Variants in ARAP3 observed in about 807,000 individuals in gnomAD.
ARAP3 encodes the protein arf-GAP with Rho-GAP domain, ANK repeat and PH domain-containing protein 3.
A neutral mutation model predicts 169.2 loss-of-function variants in ARAP3; 82 were observed. The ratio of observed to expected loss-of-function variants is 0.48; its 90% confidence interval spans 0.41 to 0.58. The LOEUF (loss-of-function observed/expected upper bound fraction) is 0.58, where lower values mean the gene tolerates loss of function less well. Among genes scored for constraint, ARAP3 ranks in the 20% least tolerant of loss-of-function variants. The pLI, the probability that ARAP3 is intolerant of heterozygous loss-of-function variation, is 0.00. For synonymous variants in ARAP3, 791 were observed against 800.3 expected (o/e 0.99, Z 0.20); for missense variants, 1,764 against 2,018.0 (o/e 0.87, Z 2.41).
rs145637020 is a variant in ARAP3 at position 141,680,364 on chromosome 5, G to A, written c.123C>T (p.His41=). 391 of 1,614,174 alleles carry A rather than the reference G, an allele frequency of 2.4e-4. No homozygotes were observed. In the African/African-American group the frequency reaches 3.9e-3, roughly 16 times the overall value. ...ATAGAARGLG[H]EELKQLGISA... The stretch of plus-strand genomic sequence containing the variant: ...TGATGCCCAACTGCTTCAACTCCTC[G>A]TGGCCCAGGCCCCGGGCTGCACCTG... Residue 41 remains histidine, a synonymous_variant, in exon 2 of 33, where the codon CAC becomes CAT. Coordinates refer to ENST00000239440, the MANE Select transcript of ARAP3 (RefSeq NM_022481.6).
intron 27 of ARAP3, 69 bp downstream of exon 27, chr5:141,656,435 G>C: frequency 6.3e-7 from 1 of 1,582,988 alleles, no homozygotes; most frequent in Non-Finnish European, 8.6e-7. Context: ...TGGAGTCAGA[G>C]GGTGGGTGCA....
In ARAP3 at chr5:141,671,561, CCCT is replaced by C; in HGVS notation, c.1854+6_1854+8del. ...CCACCCCAGATCACCCCTGCTCTGT[CCCT>C]CCTACCTGGAGAAGCTGGCTATGAT... On this transcript the variant is annotated splice_donor_region_variant and intron_variant, in intron 12 of 32. Transcript: ENST00000239440. This position sits in a 1 kb window ranked among gnomAD's most constrained non-coding sequence, Gnocchi z 4.9. 1.9e-6 allele frequency: 3 copies of C among 1,613,834 alleles called. No homozygotes were observed. Among genetic ancestry groups the C allele is most frequent in the Non-Finnish European group, 2.5e-6 (3 of 1,179,874 alleles).
intron 1 of ARAP3, 158 bp from the exon 2 acceptor site, chr5:141,680,661 C>G (rs2099912841): frequency 8.8e-7 from 1 of 1,137,358 alleles, no homozygotes; most frequent in Non-Finnish European, 1.2e-6. Flanking sequence ...CCCAGAACAA[C>G]AGCAATGGCT....
chr5:141,660,534 GC>G (rs1439981747), intron 21 of ARAP3, among the ~76,000 whole-genome samples: 1 of 151,828 alleles, frequency 6.6e-6, no homozygotes, highest in African/African-American at 2.4e-5. Flanking sequence ...AATGGGTGTG[GC>G]TTTACACTTT....
intron 32 of ARAP3, 108 bp downstream of exon 32, chr5:141,655,253 CA>C (rs2099909108): frequency 4.2e-6 from 5 of 1,193,364 alleles, no homozygotes; most frequent in East Asian, 2.6e-5. Context: ...CACACACACA[CA>C]CACACCCCCT....
intron 22 of ARAP3, 115 bp downstream of exon 22, chr5:141,659,664 G>T: frequency 6.9e-7 from 1 of 1,448,724 alleles, no homozygotes; most frequent in Non-Finnish European, 9.4e-7. Flanking sequence ...TCCTGGTATA[G>T]CTGGCCACCA....
In ARAP3 at chr5:141,672,500, G is replaced by A; in HGVS notation, c.1385+52C>T. The A allele has an allele frequency of 6.3e-7, 1 of 1,595,784 alleles. No homozygotes were observed. The highest frequency in any genetic ancestry group is 8.6e-7 in the Non-Finnish European group (1 of 1,168,768). On this transcript the variant is annotated intron_variant, in intron 9 of 32. Transcript: ENST00000239440. The surrounding 1 kb of genome is among the most constrained non-coding windows in gnomAD (Gnocchi z 4.9). Reference sequence around the variant, plus strand: ...GAGGCCTCTAGTCCTCTGCACCCTTGTGCCTCCCGCAAAAGTCCCCCAGCC... The same window carrying A: ...GAGGCCTCTAGTCCTCTGCACCCTTATGCCTCCCGCAAAAGTCCCCCAGCC...
At chr5:141,654,774 T>C (rs998447359) in intron 32 of ARAP3, among the ~76,000 whole-genome samples, 3 of 151,576 alleles carry the variant, frequency 2.0e-5, no homozygotes, top group Non-Finnish European at 4.4e-5. Flanking sequence ...AGTTTTACTC[T>C]TGTTGCCTAG....
chr5:141,679,722 G>A (rs768265808), intron 3 of ARAP3, 39 bp downstream of exon 3: 17 of 1,613,870 alleles, frequency 1.1e-5, no homozygotes, highest in Non-Finnish European at 1.4e-5. Flanking sequence ...GGTCCTGCCG[G>A]CACTATCCCT....
intron 16 of ARAP3, among the ~76,000 whole-genome samples, chr5:141,668,916 A>T (rs1251253767): frequency 1.3e-5 from 2 of 152,176 alleles, no homozygotes; most frequent in Admixed American, 1.3e-4. Flanking sequence ...CGACTTTCTG[A>T]CGCATTGTCA....
intron 25 of ARAP3, among the ~76,000 whole-genome samples, chr5:141,657,498 G>A (rs1655186958): frequency 6.6e-6 from 1 of 152,222 alleles, no homozygotes; most frequent in African/African-American, 2.4e-5. Context: ...ATTTATGCTT[G>A]AAATATTCAC....
intron 16 of ARAP3, among the ~76,000 whole-genome samples, chr5:141,667,419 A>AT (rs1219520563): frequency 6.6e-6 from 1 of 150,914 alleles, no homozygotes; most frequent in Non-Finnish European, 1.5e-5. Flanking sequence ...TCACTAACCA[A>AT]TAGTGTACTT....
In ARAP3 at chr5:141,680,427, C is replaced by T. The variant is rs772596798; in HGVS notation, c.60G>A (p.Gln20=). ...CATGCCGTCGGAACGTGTCTGCATA[C>T]TGCTCCAGGTGCACCGTGGCCAGCC... The part of the protein sequence containing the change: ...AVWLATVHLE[Q]YADTFRRHGL... Residue 20 remains glutamine, a synonymous_variant, in exon 2 of 33, where the codon CAG becomes CAA. Transcript: ENST00000239440. 1.2e-6 allele frequency: 2 copies of T among 1,612,620 alleles called. No individual in the cohort carries two copies. Among genetic ancestry groups the T allele is most frequent in the South Asian group, 1.1e-5 (1 of 91,078 alleles).
At position 141,653,943 on chromosome 5, in the gene ARAP3, C is replaced by T. The variant is rs1362918530; in HGVS notation, c.*7G>A. ...GTACCTACCCTCTCAGACTGCTGGT[C>T]CTAGGGTCATGTGAGGGGCTGGCTG... On this transcript the variant is annotated 3_prime_UTR_variant, in exon 33 of 33. Coordinates refer to ENST00000239440, the MANE Select transcript of ARAP3 (RefSeq NM_022481.6). The T allele has an allele frequency of 3.9e-6, 6 of 1,523,722 alleles. No homozygotes were observed. In the African/African-American group the frequency reaches 5.6e-5, roughly 14 times the overall value. 94.4% of individuals were successfully genotyped at this position (1,523,722 alleles called of 1,614,324 possible).
Position 141,671,503 on chromosome 5 carries a change from C to T in ARAP3, c.1854+67G>A. 6.2e-7 allele frequency: 1 copy of T among 1,608,234 alleles called. No homozygotes were observed. The highest frequency in any genetic ancestry group is 8.5e-7 in the Non-Finnish European group (1 of 1,177,562). On this transcript the variant is annotated intron_variant, in intron 12 of 32. Coordinates refer to ENST00000239440, the MANE Select transcript of ARAP3 (RefSeq NM_022481.6). This position sits in a 1 kb window ranked among gnomAD's most constrained non-coding sequence, Gnocchi z 4.9. ...ACAGTCCCCACCACCCAAGTCTAGG[C>T]ATTCCAACTCCAGAGAGTGTTTCCT...
rs1180116446 is a variant in ARAP3 at position 141,670,562 on chromosome 5, C to G, written c.2057G>C (p.Ser686Thr). Residue 686 changes from serine (S) to threonine (T), a missense_variant, in exon 14 of 33, where the codon AGT becomes ACT. Around this residue, in one of 3 missense-constraint regions of ARAP3, gnomAD observed 1,112 missense variants for 1,285.7 expected, o/e 0.86. Coordinates refer to ENST00000239440, the MANE Select transcript of ARAP3 (RefSeq NM_022481.6). The stretch of plus-strand genomic sequence containing the variant: ...GGGTCCAGCTTTGTTGCTGACGGGA[C>G]TGCAGTACAGGAAGCCGCTGTAAGT... ...RATYSGFLYC[S>T]PVSNKAGPSP... The G allele has an allele frequency of 6.2e-7, 1 of 1,614,132 alleles. No individual in the cohort carries two copies. The highest frequency in any genetic ancestry group is 1.3e-5 in the African/African-American group (1 of 75,046).
intron 23 of ARAP3, 81 bp downstream of exon 23, chr5:141,659,327 C>T: frequency 1.5e-6 from 2 of 1,377,500 alleles, no homozygotes; most frequent in Non-Finnish European, 2.1e-6. Flanking sequence ...CTGGAAACTT[C>T]CTCAACTGGG....
In ARAP3 at chr5:141,654,450, A is replaced by C. The variant is rs757626849; in HGVS notation, c.4150-15T>G. 1 of 1,551,078 alleles carries C rather than the reference A, an allele frequency of 6.4e-7. No individual in the cohort carries two copies. The highest frequency in any genetic ancestry group is 1.9e-5 in the Admixed American group (1 of 52,336). On this transcript the variant is annotated splice_polypyrimidine_tract_variant and intron_variant, in intron 32 of 32. Coordinates refer to ENST00000239440, the MANE Select transcript of ARAP3 (RefSeq NM_022481.6). ...GACTTCATTGGCTGGATGGGAATGGAATGGCAGGAGTGGGCACATAGTTAA... is the reference window on the plus strand; with the variant it reads ...GACTTCATTGGCTGGATGGGAATGGCATGGCAGGAGTGGGCACATAGTTAA...
rs2099909289 is a variant in ARAP3, at chr5:141,656,485, T to C, written c.3789+19A>G. On this transcript the variant is annotated intron_variant, in intron 27 of 32. Transcript: ENST00000239440. ...CCATGGCCACCCAGCATCCCACACC[T>C]CTGGCCCCAGGGCCTCACTTTCTTC... The C allele has an allele frequency of 3.1e-6, 5 of 1,607,702 alleles. No individual in the cohort carries two copies. The highest frequency in any genetic ancestry group is 4.2e-6 in the Non-Finnish European group (5 of 1,177,174).
Sources: allele counts gnomAD v4.1 joint callset (sites outside exome capture counted in the v4.1 genomes callset), GRCh38; gene constraint gnomAD v4.1.1; regional missense constraint gnomAD v4.1.1; non-coding constraint Gnocchi (gnomAD v3.1); transcripts MANE v1.5; gene names NCBI Gene and HGNC (gene_info 2026-07-23, HGNC 2026-07-21).